The following TRHDE variants were observed in gnomAD, a reference collection of about 807,000 sequenced individuals.
TRHDE encodes the protein thyrotropin-releasing hormone-degrading ectoenzyme.
In TRHDE, 72 loss-of-function variants were observed where a neutral mutation model predicts 125.7. The observed-to-expected ratio is 0.57, with a 90% confidence interval of 0.47 to 0.70. The LOEUF (loss-of-function observed/expected upper bound fraction) is 0.70, where lower values mean the gene tolerates loss of function less well. TRHDE is among the 30% of genes least tolerant of loss of function. The pLI, the probability that TRHDE is intolerant of heterozygous loss-of-function variation, is 0.00. For synonymous variants in TRHDE, 509 were observed against 509.1 expected (o/e 1.00, Z 0.00); for missense variants, 1,110 against 1,327.1 (o/e 0.84, Z 2.54).
intron 3 of TRHDE, among the ~76,000 whole-genome samples, chr12:72,465,743 G>T (rs548811328): frequency 1.3e-5 from 2 of 152,120 alleles, no homozygotes; most frequent in South Asian, 4.1e-4. Flanking sequence ...TATCATATAA[G>T]ATTCCTTAAG....
chr12:72,322,629 A>G (rs1156452222), intron 2 of TRHDE, among the ~76,000 whole-genome samples: 1 of 152,124 alleles, frequency 6.6e-6, no homozygotes, highest in Non-Finnish European at 1.5e-5. Flanking sequence ...AGTATTTGCT[A>G]ATTCAGTGTT....
chr12:72,268,545 A>C (rs1879121225), upstream of TRHDE, among the ~76,000 whole-genome samples: 1 of 152,082 alleles, frequency 6.6e-6, no homozygotes, highest in South Asian at 2.1e-4. Flanking sequence ...GGTGATCAGG[A>C]TCTAGTTCTT....
chr12:72,459,671 G>T (rs759751688), intron 3 of TRHDE, among the ~76,000 whole-genome samples: 2 of 152,056 alleles, frequency 1.3e-5, no homozygotes, highest in Non-Finnish European at 2.9e-5. Flanking sequence ...TGCCTAGGCT[G>T]GAGTGCAGTG....
intron 2 of TRHDE, among the ~76,000 whole-genome samples, chr12:72,299,597 C>T (rs1194228567): frequency 6.6e-6 from 1 of 152,136 alleles, no homozygotes; most frequent in Non-Finnish European, 1.5e-5. Flanking sequence ...GAAAATCTGT[C>T]ATAATTAAGA....
intron 2 of TRHDE, among the ~76,000 whole-genome samples, chr12:72,246,248 TATA>T (rs5799070): frequency 0.27 from 41,469 of 151,868 alleles, 7,400 homozygotes; most frequent in Non-Finnish European, 0.4. Flanking sequence ...CAAAAATGCA[TATA>T]ATAACTCTTA....
At chr12:72,311,688 A>G (rs1318690384) in intron 2 of TRHDE, among the ~76,000 whole-genome samples, 1 of 152,182 alleles carries the variant, frequency 6.6e-6, no homozygotes, top group Non-Finnish European at 1.5e-5. Flanking sequence ...TGTTTTGTCC[A>G]TTATATTGGC....
chr12:72,374,150 T>C (rs1261450714), intron 2 of TRHDE, among the ~76,000 whole-genome samples: 1 of 151,764 alleles, frequency 6.6e-6, no homozygotes, highest in African/African-American at 2.4e-5. Context: ...GTAGAGCCAG[T>C]AGGATATGCT....
chr12:72,458,554 A>G (rs1406848222), intron 3 of TRHDE, among the ~76,000 whole-genome samples: 1 of 151,932 alleles, frequency 6.6e-6, no homozygotes, highest in Non-Finnish European at 1.5e-5. Context: ...GACTTCTTAA[A>G]TCTTTTCCCC....
intron 6 of TRHDE, among the ~76,000 whole-genome samples, chr12:72,515,042 G>T (rs1433243484): frequency 7.0e-6 from 1 of 143,492 alleles, no homozygotes; most frequent in Non-Finnish European, 1.5e-5. Context: ...TATCATTGTT[G>T]GATATTTGGG....
intron 12 of TRHDE, among the ~76,000 whole-genome samples, chr12:72,588,328 A>G (rs563505647): frequency 4.6e-5 from 7 of 152,270 alleles, no homozygotes; most frequent in Middle Eastern, 3.4e-3. Context: ...TGAAAGAAGT[A>G]AATAAGGGAA....
At chr12:72,436,571 G>A (rs185688451) in intron 3 of TRHDE, among the ~76,000 whole-genome samples, 5 of 151,736 alleles carry the variant, frequency 3.3e-5, no homozygotes, top group African/African-American at 1.2e-4. Flanking sequence ...AACTTCACAG[G>A]GTTCTTATAA....
chr12:72,527,021 ATAT>A (rs1230297403), intron 6 of TRHDE, among the ~76,000 whole-genome samples: 1 of 152,180 alleles, frequency 6.6e-6, no homozygotes, highest in Non-Finnish European at 1.5e-5. Context: ...AACAGAAGAA[ATAT>A]TTACCAAGGA....
chr12:72,241,737 G>A (rs115451192), intron 2 of TRHDE, among the ~76,000 whole-genome samples: 2,426 of 152,254 alleles, frequency 0.016, 75 homozygotes, highest in African/African-American at 0.055. Context: ...TTCCAGAGTG[G>A]CTGAGTCAGT....
intron 2 of TRHDE, among the ~76,000 whole-genome samples, chr12:72,221,704 G>A (rs879583091): frequency 6.6e-6 from 1 of 152,200 alleles, no homozygotes; most frequent in East Asian, 1.9e-4. Context: ...TTTCATATAT[G>A]ACATTAGGAT....
chr12:72,387,166 G>A (rs1872455855), intron 3 of TRHDE, among the ~76,000 whole-genome samples: 1 of 152,124 alleles, frequency 6.6e-6, no homozygotes, highest in African/African-American at 2.4e-5. Flanking sequence ...TGCCTAATGA[G>A]TATATTAAAT....
chr12:72,620,003 GTTCA>G (rs1872979061), intron 13 of TRHDE, among the ~76,000 whole-genome samples: 1 of 151,398 alleles, frequency 6.6e-6, no homozygotes, highest in Non-Finnish European at 1.5e-5. Context: ...GAATAATTAC[GTTCA>G]TTGTTAGTTT....
chr12:72,352,521 T>C (rs1870627456), intron 2 of TRHDE, among the ~76,000 whole-genome samples: 5 of 151,832 alleles, frequency 3.3e-5, no homozygotes. Context: ...ACAGTTACTT[T>C]TGTACTGAAT....
intron 3 of TRHDE, among the ~76,000 whole-genome samples, chr12:72,387,206 TAAAC>T (rs1320708326): frequency 1.3e-5 from 2 of 152,202 alleles, no homozygotes; most frequent in African/African-American, 4.8e-5. Flanking sequence ...CCCCAGATCT[TAAAC>T]CACCATCATT....
chr12:72,609,087 T>C (rs1042255459), intron 12 of TRHDE, among the ~76,000 whole-genome samples: 3 of 152,188 alleles, frequency 2.0e-5, no homozygotes, highest in Non-Finnish European at 4.4e-5. Context: ...GCTATCACAG[T>C]GCCTGTCTGA....
Sources: gnomAD v4.1 joint callset for allele counts (sites outside exome capture counted in the v4.1 genomes callset) on GRCh38, gnomAD v4.1.1 for gene constraint, MANE v1.5 for transcripts, NCBI Gene and HGNC (gene_info 2026-07-23, HGNC 2026-07-21) for gene names.